The following TMPRSS7 variants were observed in gnomAD, a reference collection of about 807,000 sequenced individuals.
The protein encoded by TMPRSS7 is transmembrane protease serine 7.
Under a neutral mutation model 95.6 loss-of-function variants are expected in TMPRSS7, and 81 were observed. That is an observed-to-expected ratio of 0.85 (90% CI 0.71 to 1.02). The LOEUF is 1.02. Among genes scored for constraint, TMPRSS7 ranks in the 50% least tolerant of loss-of-function variants. The probability of loss-of-function intolerance (pLI) is 0.00; values close to 1 mark genes in which losing one functional copy is unlikely to be tolerated. For synonymous variants in TMPRSS7, 364 were observed against 337.8 expected (o/e 1.08, Z -0.85); for missense variants, 945 against 955.2 (o/e 0.99, Z 0.14).
chr3:112,076,912 G>T (rs780170902), exon 16 of TMPRSS7: 1 of 1,614,198 alleles, frequency 6.2e-7, no homozygotes, highest in Non-Finnish European at 8.5e-7. Context: ...CACACCTCGG[G>T]ATGTATGTTC....
At chr3:112,074,022 C>T (rs2073683404) in intron 13 of TMPRSS7, among the ~76,000 whole-genome samples, 1 of 152,232 alleles carries the variant, frequency 6.6e-6, no homozygotes, top group Non-Finnish European at 1.5e-5. Flanking sequence ...ATATGTCGCA[C>T]TTCTTCATGT....
In TMPRSS7 at chr3:112,056,641, T is replaced by C. The variant is rs1368877030; in HGVS notation, c.1204-384T>C. Among the ~76,000 whole-genome samples the C allele has an allele frequency of 2.6e-5, 4 of 151,870 alleles. No homozygotes were observed. The East Asian group carries it at 7.7e-4, about 29-fold the overall frequency. ...GAAGAGGAGGCTGATTCATTTCTCC[T>C]TTATCTAAAGAATCTGAATGATGCT... On this transcript the variant is annotated intron_variant, in intron 9 of 17. Coordinates refer to ENST00000452346, the Ensembl canonical transcript of TMPRSS7.
chr3:112,073,736 T>A (rs2073679944), intron 13 of TMPRSS7, among the ~76,000 whole-genome samples: 1 of 152,218 alleles, frequency 6.6e-6, no homozygotes, highest in Admixed American at 6.5e-5. Context: ...TGGCAGTTTC[T>A]TATTGCTTAC....
intron 7 of TMPRSS7, among the ~76,000 whole-genome samples, chr3:112,048,827 A>G (rs137870458): frequency 2.0e-5 from 3 of 152,284 alleles, no homozygotes; most frequent in Non-Finnish European, 4.4e-5. Context: ...ATATTTACTT[A>G]TCTCATTTAA....
intron 14 of TMPRSS7, 36 bp downstream of exon 14, chr3:112,074,448 C>A: frequency 1.4e-6 from 2 of 1,469,596 alleles, no homozygotes; most frequent in South Asian, 2.4e-5. Flanking sequence ...TTCCTGTATT[C>A]CCTCTTCAGT....
intron 7 of TMPRSS7, among the ~76,000 whole-genome samples, chr3:112,048,908 C>A (rs541924408): frequency 4.6e-5 from 7 of 152,260 alleles, no homozygotes; most frequent in Admixed American, 1.3e-4. Flanking sequence ...GATCTGAAGG[C>A]AGGGAACTTA....
chr3:112,063,509 T>A lies in TMPRSS7; in HGVS notation c.1448-16T>A. On this transcript the variant is annotated splice_polypyrimidine_tract_variant and intron_variant, in intron 11 of 17. Coordinates refer to ENST00000452346, the Ensembl canonical transcript of TMPRSS7. ...TATCCAAGATTTTCTATTTTTTGAT[T>A]TTTTGTTGCCCATAGCCTGCCCTGT... 2 of 1,605,920 alleles carry A rather than the reference T, an allele frequency of 1.2e-6. No homozygotes were observed. The highest frequency in any genetic ancestry group is 1.7e-6 in the Non-Finnish European group (2 of 1,173,454).
intron 13 of TMPRSS7, among the ~76,000 whole-genome samples, chr3:112,071,703 C>T (rs1385408360): frequency 6.6e-6 from 1 of 152,180 alleles, no homozygotes; most frequent in Non-Finnish European, 1.5e-5. Context: ...ATTTGATCTT[C>T]AGTCACTGAT....
rs1002293137 is a variant in TMPRSS7, at chr3:112,040,594, C to T, written c.299-1326C>T. 4.6e-5 allele frequency among the ~76,000 whole-genome samples: 7 copies of T among 152,150 alleles called. 1 individual carries two copies. The highest frequency in any genetic ancestry group is 4.6e-4 in the Admixed American group (7 of 15,272). Reference sequence around the variant, plus strand: ...AAGACAAACACACACAACCCCAACCCAGAACAAAGAAGCTTATTTGCCGTG... The same window carrying T: ...AAGACAAACACACACAACCCCAACCTAGAACAAAGAAGCTTATTTGCCGTG... On this transcript the variant is annotated intron_variant, in intron 2 of 17. Transcript: ENST00000452346.
chr3:112,043,680 A>G (rs777057420), intron 3 of TMPRSS7, among the ~76,000 whole-genome samples: 2 of 152,192 alleles, frequency 1.3e-5, no homozygotes, highest in Admixed American at 6.6e-5. Flanking sequence ...TGCTTTTAGA[A>G]ATGCTAGGTA....
chr3:112,050,723 T>G (rs781177858), exon 9 of TMPRSS7: 3 of 1,604,940 alleles, frequency 1.9e-6, no homozygotes, highest in South Asian at 2.2e-5. Flanking sequence ...AAGGGAAAAT[T>G]TCAAGCCCAT....
rs748407146 is a variant in TMPRSS7 at position 112,077,005 on chromosome 3, T to G, written c.2085T>G (p.Ile695Met). 53 of 1,614,204 alleles carry G rather than the reference T, an allele frequency of 3.3e-5. No homozygotes were observed. The highest frequency in any genetic ancestry group is 4.4e-5 in the Non-Finnish European group (52 of 1,180,046). ...ACAGTCAGACTTTTGATTATGATAT[T>G]GCTTTGCTACAGCTCAGTATTGCCT... is the stretch of plus-strand genomic sequence containing the variant. Residue 695 changes from isoleucine to methionine, a missense_variant, in exon 16 of 18, where the codon ATT (isoleucine) becomes ATG (methionine). By Grantham distance (10) the Ile-to-Met change is conservative. Coordinates refer to ENST00000452346, the Ensembl canonical transcript of TMPRSS7.
Position 112,066,372 on chromosome 3 carries a change from G to C in TMPRSS7, c.1556-20G>C. The C allele has an allele frequency of 6.2e-7, 1 of 1,611,410 alleles. No individual in the cohort carries two copies. Among genetic ancestry groups the C allele is most frequent in the South Asian group, 1.1e-5 (1 of 90,980 alleles). On this transcript the variant is annotated intron_variant, in intron 12 of 17. Coordinates refer to ENST00000452346, the Ensembl canonical transcript of TMPRSS7. Reference sequence around the variant, plus strand: ...GGTGTCTCAGGCTCGTGAACTTTCTGTTTTTATTTTTTATTCTAGTGAGCC... The same window carrying C: ...GGTGTCTCAGGCTCGTGAACTTTCTCTTTTTATTTTTTATTCTAGTGAGCC...
chr3:112,050,838 C>G (rs531382195), intron 9 of TMPRSS7, 55 bp downstream of exon 9: 64 of 825,660 alleles, frequency 7.8e-5, no homozygotes, highest in Non-Finnish European at 1.2e-4. Flanking sequence ...TTTTTAATAG[C>G]ATGAATTTCA....
intron 15 of TMPRSS7, among the ~76,000 whole-genome samples, chr3:112,076,480 A>C (rs1240553859): frequency 2.0e-5 from 3 of 152,186 alleles, no homozygotes; most frequent in Non-Finnish European, 4.4e-5. Flanking sequence ...TATCATTTGA[A>C]TTTGGTAGTA....
intron 12 of TMPRSS7, among the ~76,000 whole-genome samples, chr3:112,064,782 G>A (rs2073554026): frequency 6.6e-6 from 1 of 152,170 alleles, no homozygotes; most frequent in African/African-American, 2.4e-5. Flanking sequence ...GAGAATCTCT[G>A]TCTTAATTTT....
At chr3:112,067,530 T>C (rs868277387) in intron 13 of TMPRSS7, among the ~76,000 whole-genome samples, 18 of 152,226 alleles carry the variant, frequency 1.2e-4, no homozygotes, top group African/African-American at 4.3e-4. Context: ...TTCTAACTGA[T>C]GTGAGATAGT....
At chr3:112,047,598 A>C in intron 6 of TMPRSS7, 141 bp from the exon 7 acceptor site, 1 of 674,678 alleles carries the variant, frequency 1.5e-6, no homozygotes, top group South Asian at 1.7e-5. Context: ...TGTTACCAGA[A>C]GGCAGGGAAG....
At chr3:112,067,673 G>C (rs898418458) in intron 13 of TMPRSS7, among the ~76,000 whole-genome samples, 6 of 152,098 alleles carry the variant, frequency 3.9e-5, no homozygotes, top group Admixed American at 6.5e-5. Flanking sequence ...TTTTTGATGG[G>C]GTTGCTTGTT....
Sources: allele counts gnomAD v4.1 joint callset (sites outside exome capture counted in the v4.1 genomes callset), GRCh38; gene constraint gnomAD v4.1.1; transcripts MANE v1.5; gene names NCBI Gene and HGNC (gene_info 2026-07-23, HGNC 2026-07-21).